Variants in PAWR observed in about 807,000 individuals in gnomAD.
The protein encoded by PAWR is PRKC apoptosis WT1 regulator protein.
PAWR carries 23 observed loss-of-function variants against 32.0 expected under a neutral mutation model. That is an observed-to-expected ratio of 0.72 (90% CI 0.52 to 1.02). The LOEUF (loss-of-function observed/expected upper bound fraction) is 1.02. PAWR is among the 50% of genes least tolerant of loss of function. The pLI, the probability that PAWR is intolerant of heterozygous loss-of-function variation, is 0.00. For missense variants in PAWR, 457 were observed against 437.7 expected, an observed-to-expected ratio of 1.04 and a Z score of -0.39; for synonymous variants, 226 against 187.1, an observed-to-expected ratio of 1.21 and a Z score of -1.70.
At chr12:79,600,535 C>T (rs540788061) in intron 4 of PAWR, among the ~76,000 whole-genome samples, 267 of 151,956 alleles carry the variant, frequency 1.8e-3, no homozygotes, top group African/African-American at 5.7e-3. Flanking sequence ...TACAGAGGTG[C>T]CACCATGGCT....
At chr12:79,680,128 T>C (rs8176811) in intron 2 of PAWR, among the ~76,000 whole-genome samples, 97 of 152,352 alleles carry the variant, frequency 6.4e-4, no homozygotes, top group Non-Finnish European at 1.2e-3. Flanking sequence ...GCCACTGATA[T>C]GAACACATGT....
Position 79,621,327 on chromosome 12 carries a change from AT to A in PAWR, c.517-121del, listed in dbSNP as rs1461908929. 2.8e-5 allele frequency: 21 copies of A among 744,348 alleles called. No individual in the cohort carries two copies. In the East Asian group the frequency reaches 6.2e-4, roughly 22 times the overall value. 46.1% of individuals were successfully genotyped at this position (744,348 alleles called of 1,614,324 possible). On this transcript the variant is annotated intron_variant, in intron 2 of 6. Transcript: ENST00000328827. ...GTGCATTCAGAAATTAGTTTGCATA[AT>A]AAAAGTATTTTTCTTTCAGCAATAT...
At chr12:79,682,614 T>A (rs534734951) in intron 2 of PAWR, among the ~76,000 whole-genome samples, 27 of 152,298 alleles carry the variant, frequency 1.8e-4, no homozygotes, top group African/African-American at 6.5e-4. Flanking sequence ...TTTTTACCTT[T>A]GAAGTGTGTG....
intron 2 of PAWR, among the ~76,000 whole-genome samples, chr12:79,663,421 A>G (rs955948049): frequency 6.6e-6 from 1 of 152,198 alleles, no homozygotes; most frequent in Non-Finnish European, 1.5e-5. Context: ...TTTTAAATGT[A>G]GATTCATCAG....
intron 4 of PAWR, among the ~76,000 whole-genome samples, chr12:79,601,442 C>A (rs940596814): frequency 6.6e-6 from 1 of 151,938 alleles, no homozygotes; most frequent in Non-Finnish European, 1.5e-5. Flanking sequence ...TGGCCTCAAG[C>A]GATCTTCCTG....
intron 2 of PAWR, among the ~76,000 whole-genome samples, chr12:79,672,599 A>G (rs1877959666): frequency 6.6e-6 from 1 of 151,662 alleles, no homozygotes; most frequent in Non-Finnish European, 1.5e-5. Context: ...TGCAGCCTCT[A>G]CTCTCTATAG....
intron 2 of PAWR, among the ~76,000 whole-genome samples, chr12:79,689,370 T>C (rs1329198841): frequency 6.6e-6 from 1 of 152,110 alleles, no homozygotes; most frequent in Non-Finnish European, 1.5e-5. Context: ...TCACCATTAA[T>C]CAATTTTTCT....
At chr12:79,618,719 T>C (rs1300795550) in intron 3 of PAWR, among the ~76,000 whole-genome samples, 1 of 152,168 alleles carries the variant, frequency 6.6e-6, no homozygotes, top group African/African-American at 2.4e-5. Context: ...TTCACTGAAA[T>C]AAGTCCCTGA....
intron 2 of PAWR, among the ~76,000 whole-genome samples, chr12:79,652,689 T>A (rs540042758): frequency 1.7e-4 from 26 of 152,346 alleles, no homozygotes; most frequent in African/African-American, 5.8e-4. Context: ...TCAATCACCA[T>A]GTGAAAACCT....
chr12:79,592,475 C>A lies in PAWR; in HGVS notation c.*132G>T. On this transcript the variant is annotated 3_prime_UTR_variant, in exon 7 of 7. Coordinates refer to ENST00000328827, the MANE Select transcript of PAWR (RefSeq NM_002583.4). ...AAAGAAGTATTTTGAAAACAAACATCTGTTTGCTAGAAATAAATATACTTG... is the reference window on the plus strand; with the variant it reads ...AAAGAAGTATTTTGAAAACAAACATATGTTTGCTAGAAATAAATATACTTG... 1.9e-6 allele frequency: 1 copy of A among 534,542 alleles called. No homozygotes were observed. The highest frequency in any genetic ancestry group is 3.3e-6 in the Non-Finnish European group (1 of 306,700). 33.1% of individuals were successfully genotyped at this position (534,542 alleles called of 1,614,324 possible).
intron 2 of PAWR, among the ~76,000 whole-genome samples, chr12:79,646,578 T>C (rs575433798): frequency 2.6e-5 from 4 of 152,214 alleles, no homozygotes; most frequent in South Asian, 4.1e-4. Context: ...ATCTTTATAA[T>C]GGTTCCTGTC....
chr12:79,629,175 A>T (rs752742649), intron 2 of PAWR, among the ~76,000 whole-genome samples: 1 of 152,120 alleles, frequency 6.6e-6, no homozygotes, highest in Non-Finnish European at 1.5e-5. Context: ...TTAAATGCAC[A>T]TGATCTAACC....
intron 2 of PAWR, among the ~76,000 whole-genome samples, chr12:79,675,698 C>T (rs369154435): frequency 4.9e-4 from 74 of 152,022 alleles, no homozygotes; most frequent in Non-Finnish European, 9.3e-4. Context: ...TACACATGGA[C>T]GCAAAGAAGG....
intron 3 of PAWR, among the ~76,000 whole-genome samples, chr12:79,616,995 T>C (rs775117210): frequency 3.3e-5 from 5 of 152,192 alleles, no homozygotes; most frequent in Non-Finnish European, 7.3e-5. Flanking sequence ...TTATTCCTTA[T>C]TGGTGGATTT....
chr12:79,632,361 A>ATATATATATATT (rs1566011212), intron 2 of PAWR, among the ~76,000 whole-genome samples: 16 of 20,604 alleles, frequency 7.8e-4, no homozygotes, highest in Non-Finnish European at 1.2e-3. Context: ...ATATATATAT[A>ATATATATATATT]TTTTTTTTTT....
At chr12:79,672,580 C>T (rs1366999592) in intron 2 of PAWR, among the ~76,000 whole-genome samples, 1 of 152,122 alleles carries the variant, frequency 6.6e-6, no homozygotes, top group Non-Finnish European at 1.5e-5. Context: ...TAAAGTGCTA[C>T]CACCACTTTG....
chr12:79,687,832 TATG>T (rs951392283), intron 2 of PAWR, among the ~76,000 whole-genome samples: 3 of 151,924 alleles, frequency 2.0e-5, no homozygotes, highest in South Asian at 2.1e-4. Flanking sequence ...AATAAGAAAA[TATG>T]AGGAGGAGGC....
intron 2 of PAWR, chr12:79,668,300 GC>G (rs1408635995): frequency 6.6e-6 from 1 of 152,200 alleles, no homozygotes; most frequent in Non-Finnish European, 1.5e-5. Context: ...CATTAACAGT[GC>G]TTCCTCCCGC....
chr12:79,661,579 T>C (rs753053001), intron 2 of PAWR, among the ~76,000 whole-genome samples: 1 of 152,216 alleles, frequency 6.6e-6, no homozygotes, highest in Non-Finnish European at 1.5e-5. Context: ...CGTAAGAAGA[T>C]AGTTTTCTTA....
Sources: gnomAD v4.1 joint callset for allele counts (sites outside exome capture counted in the v4.1 genomes callset) on GRCh38, gnomAD v4.1.1 for gene constraint, MANE v1.5 for transcripts, NCBI Gene and HGNC (gene_info 2026-07-23, HGNC 2026-07-21) for gene names.